Variants in GABRR3 observed in about 807,000 individuals in gnomAD.
GABRR3 encodes the protein gamma-aminobutyric acid type A receptor subunit rho3.
GABRR3 carries 29 observed loss-of-function variants against 43.2 expected under a neutral mutation model. That is an observed-to-expected ratio of 0.67 (90% confidence interval 0.50 to 0.92). The LOEUF (loss-of-function observed/expected upper bound fraction) is 0.92, where lower values mean the gene tolerates loss of function less well. Ranked by LOEUF, GABRR3 falls within the 40% of genes least tolerant of loss-of-function variation. The pLI is 0.00. For synonymous variants in GABRR3, 206 were observed against 195.9 expected, an observed-to-expected ratio of 1.05 and a Z score of -0.43; for missense variants, 576 against 572.3, an observed-to-expected ratio of 1.01 and a Z score of -0.07.
At chr3:98,023,508 C>A (rs986290403) in intron 3 of GABRR3, among the ~76,000 whole-genome samples, 1 of 152,110 alleles carries the variant, frequency 6.6e-6, no homozygotes, top group Admixed American at 6.5e-5. Context: ...TTTTAAAGAT[C>A]TTTTATAGAA....
intron 3 of GABRR3, among the ~76,000 whole-genome samples, chr3:98,020,440 A>G (rs1181252649): frequency 1.4e-5 from 2 of 139,850 alleles, no homozygotes; most frequent in Non-Finnish European, 3.1e-5. Context: ...GCACATTTAG[A>G]TAATGAGTCC....
At chr3:98,020,336 A>G (rs1182089208) in intron 3 of GABRR3, among the ~76,000 whole-genome samples, 4 of 152,096 alleles carry the variant, frequency 2.6e-5, no homozygotes, top group African/African-American at 9.7e-5. Flanking sequence ...ATTTGTAGTC[A>G]ATAAATGGCA....
exon 10 of GABRR3, chr3:97,986,863 T>C (rs1200711246): frequency 6.2e-7 from 1 of 1,612,144 alleles, no homozygotes. Context: ...TCGATTTTCT[T>C]CTCATGAAGT....
Position 98,008,989 on chromosome 3 carries a change from C to A in GABRR3, c.580G>T (p.Asp194Tyr). Residue 194 changes from aspartate to tyrosine, a missense_variant, in exon 6 of 10, where the codon GAC (aspartate) becomes TAC (tyrosine). By Grantham distance (160) the Asp-to-Tyr change is radical. Coordinates refer to ENST00000621172, the Ensembl canonical transcript of GABRR3. ...AGTTCAAGAGAACAATTTTGAGTGTCAAGAGGAAACCTGCTGAAATCCATA... is the reference window on the plus strand; with the variant it reads ...AGTTCAAGAGAACAATTTTGAGTGTAAAGAGGAAACCTGCTGAAATCCATA... The A allele has an allele frequency of 1.9e-6, 3 of 1,607,700 alleles. No individual in the cohort carries two copies. The South Asian group carries it at 3.4e-5, about 18-fold the overall frequency.
chr3:98,005,484 T>G (rs1338116764), intron 7 of GABRR3, among the ~76,000 whole-genome samples: 6 of 152,198 alleles, frequency 3.9e-5, no homozygotes, highest in African/African-American at 1.4e-4. Flanking sequence ...TGTAACTACC[T>G]TTGAACGTTA....
chr3:98,008,700 T>G (rs1559777254), intron 6 of GABRR3, among the ~76,000 whole-genome samples: 1 of 150,312 alleles, frequency 6.7e-6, no homozygotes. Context: ...GTTCCTTTAT[T>G]GTGGAAACTA....
At chr3:98,008,632 A>G (rs1276248634) in intron 6 of GABRR3, among the ~76,000 whole-genome samples, 1 of 152,166 alleles carries the variant, frequency 6.6e-6, no homozygotes, top group Admixed American at 6.5e-5. Flanking sequence ...TTCCAAATGT[A>G]GAAAGTCTGT....
At chr3:98,020,973 G>A (rs1400532886) in intron 3 of GABRR3, among the ~76,000 whole-genome samples, 1 of 149,454 alleles carries the variant, frequency 6.7e-6, no homozygotes, top group East Asian at 2.0e-4. Flanking sequence ...GCGATTCTCT[G>A]GCCTCAGCCT....
intron 6 of GABRR3, 91 bp from the exon 7 acceptor site, chr3:98,007,995 T>G: frequency 1.5e-5 from 16 of 1,039,356 alleles, no homozygotes; most frequent in Non-Finnish European, 2.1e-5. Flanking sequence ...CTCTGTATCC[T>G]TAGTGCCTAC....
At chr3:98,031,086 C>T (rs1386839981) in intron 2 of GABRR3, among the ~76,000 whole-genome samples, 3 of 152,140 alleles carry the variant, frequency 2.0e-5, no homozygotes, top group Non-Finnish European at 2.9e-5. Context: ...GATTGAACTC[C>T]TAACTTCTGA....
chr3:97,991,263 C>T (rs1010740711), intron 9 of GABRR3, among the ~76,000 whole-genome samples: 2 of 152,206 alleles, frequency 1.3e-5, no homozygotes, highest in Non-Finnish European at 2.9e-5. Context: ...CCTTTCACTT[C>T]ACAGACTATC....
chr3:98,012,661 T>C (rs1706809903), intron 4 of GABRR3, 94 bp from the exon 5 acceptor site: 2 of 791,922 alleles, frequency 2.5e-6, no homozygotes, highest in South Asian at 1.7e-5. Flanking sequence ...ATTCCTATGG[T>C]GTTAATGACT....
downstream of GABRR3, among the ~76,000 whole-genome samples, chr3:97,985,687 A>T (rs1706375734): frequency 5.9e-5 from 9 of 152,160 alleles, no homozygotes; most frequent in Admixed American, 3.9e-4. Flanking sequence ...GTGATTAATT[A>T]AAAACCTCTA....
At chr3:98,001,402 G>T in intron 8 of GABRR3, 1 of 552,530 alleles carries the variant, frequency 1.8e-6, no homozygotes, top group Non-Finnish European at 3.3e-6. Context: ...AGTCAGCAAA[G>T]ACTTCATCCC....
At chr3:97,993,604 A>G (rs918123097) in intron 8 of GABRR3, among the ~76,000 whole-genome samples, 5 of 152,182 alleles carry the variant, frequency 3.3e-5, no homozygotes, top group Admixed American at 1.3e-4. Flanking sequence ...GTCGATTGTT[A>G]ATGAAACTAC....
chr3:97,992,168 C>G (rs1214910949), intron 9 of GABRR3, among the ~76,000 whole-genome samples: 2 of 152,066 alleles, frequency 1.3e-5, no homozygotes, highest in Non-Finnish European at 2.9e-5. Flanking sequence ...ACATTTAGAG[C>G]CCAGAAGGCA....
chr3:98,001,595 A>G lies in GABRR3; in HGVS notation c.907+20T>C. The G allele has an allele frequency of 6.2e-7, 1 of 1,611,642 alleles. No homozygotes were observed. The highest frequency in any genetic ancestry group is 8.5e-7 in the Non-Finnish European group (1 of 1,178,488). ...ACTTTCTCCCATGTTAACATTTTAT[A>G]AAGATGGGGAAAGATTTACCCAGGG... On this transcript the variant is annotated intron_variant, in intron 8 of 9. Transcript: ENST00000621172.
At chr3:97,995,605 T>TA (rs112115092) in intron 8 of GABRR3, among the ~76,000 whole-genome samples, 63 of 145,774 alleles carry the variant, frequency 4.3e-4, no homozygotes, top group Admixed American at 1.2e-3. Context: ...GATGAGTAAT[T>TA]AAAAAAAAAA....
At position 98,001,742 on chromosome 3, in the gene GABRR3, G is replaced by T. The variant is rs1323144124; in HGVS notation, c.780C>A (p.Asn260Lys). ...AGAAAACATGCCTCCTTAGCACAAA[G>T]TTGATGAAAAGCCTATTGTACCAAC... Residue 260 changes from asparagine (N) to lysine (K), a missense_variant, in exon 8 of 10, where the codon AAC becomes AAA. Asn to Lys is a moderately conservative substitution (Grantham distance 94). Transcript: ENST00000621172. 1 of 1,613,154 alleles carries T rather than the reference G, an allele frequency of 6.2e-7. No homozygotes were observed. The highest frequency in any genetic ancestry group is 8.5e-7 in the Non-Finnish European group (1 of 1,179,374).
Sources: allele counts gnomAD v4.1 joint callset (sites outside exome capture counted in the v4.1 genomes callset), GRCh38; gene constraint gnomAD v4.1.1; transcripts MANE v1.5; gene names NCBI Gene and HGNC (gene_info 2026-07-23, HGNC 2026-07-21).